ASAP2: variants seen among roughly 807,000 people sequenced by gnomAD.
The protein encoded by ASAP2 is ArfGAP with SH3 domain, ankyrin repeat and PH domain 2.
A neutral mutation model predicts 131.4 loss-of-function variants in ASAP2; 45 were observed. The ratio of observed to expected loss-of-function variants is 0.34; its 90% CI spans 0.27 to 0.44. The LOEUF (loss-of-function observed/expected upper bound fraction) is 0.44. Among genes scored for constraint, ASAP2 ranks in the 20% least tolerant of loss-of-function variants. The pLI is 1.00. For synonymous variants in ASAP2, 510 were observed against 503.0 expected, an observed-to-expected ratio of 1.01 and a Z score of -0.19; for missense variants, 1,011 against 1,297.0, an observed-to-expected ratio of 0.78 and a Z score of 3.39.
chr2:9,276,926 A>G (rs148438487), intron 1 of ASAP2, among the ~76,000 whole-genome samples: 211 of 152,296 alleles, frequency 1.4e-3, no homozygotes, highest in African/African-American at 4.9e-3. Context: ...GCTGACTTCT[A>G]ATGCTTCCAG....
At chr2:9,247,853 A>T (rs1449565427) in intron 1 of ASAP2, among the ~76,000 whole-genome samples, 3 of 152,206 alleles carry the variant, frequency 2.0e-5, no homozygotes, top group Non-Finnish European at 4.4e-5. Flanking sequence ...CAGCTGATCC[A>T]GGAAACTGCC....
At chr2:9,295,539 G>C (rs1465305394) in intron 2 of ASAP2, among the ~76,000 whole-genome samples, 1 of 152,172 alleles carries the variant, frequency 6.6e-6, no homozygotes, top group Non-Finnish European at 1.5e-5. Flanking sequence ...TTATGTAGCT[G>C]ACGCCGCAGG....
chr2:9,356,429 C>T (rs1672707851), intron 14 of ASAP2, 84 bp downstream of exon 14: 2 of 1,418,778 alleles, frequency 1.4e-6, no homozygotes, highest in African/African-American at 1.4e-5. Flanking sequence ...TTGATTTTCA[C>T]TTTCATTTCA....
intron 1 of ASAP2, among the ~76,000 whole-genome samples, chr2:9,211,155 CA>C (rs70948809): frequency 0.069 from 8,943 of 129,032 alleles, 276 homozygotes; most frequent in Middle Eastern, 0.12. Context: ...AACTGCGTCT[CA>C]AAAAAAAAAA....
chr2:9,306,195 G>A (rs1051281901), intron 3 of ASAP2, among the ~76,000 whole-genome samples: 1 of 150,930 alleles, frequency 6.6e-6, no homozygotes. Flanking sequence ...GAGTGGAAGC[G>A]CTGCAGGAGG....
intron 1 of ASAP2, among the ~76,000 whole-genome samples, chr2:9,256,051 T>TA (rs1049339963): frequency 6.6e-6 from 1 of 151,130 alleles, no homozygotes; most frequent in Non-Finnish European, 1.5e-5. Context: ...TGTGTAGACT[T>TA]AAAGTTGTAG....
chr2:9,226,584 A>G (rs1428770526), intron 1 of ASAP2, among the ~76,000 whole-genome samples: 1 of 152,182 alleles, frequency 6.6e-6, no homozygotes, highest in African/African-American at 2.4e-5. Context: ...AGGAAGCCTC[A>G]CTGAGGTTGT....
rs1277710505 is a variant in ASAP2 at position 9,265,117 on chromosome 2, C to A, written c.127-14200C>A. On this transcript the variant is annotated intron_variant, in intron 1 of 27. Coordinates refer to ENST00000281419, the MANE Select transcript of ASAP2 (RefSeq NM_003887.3). ...CACCACTGCACTTCAGCCTGGGGGACAAAGTGAGATCCTATCTCAAAAAAA... is the reference window on the plus strand; with the variant it reads ...CACCACTGCACTTCAGCCTGGGGGAAAAAGTGAGATCCTATCTCAAAAAAA... Among the ~76,000 whole-genome samples, 5 of 151,950 alleles carry A rather than the reference C, an allele frequency of 3.3e-5. No individual in the cohort carries two copies. The East Asian group carries it at 9.6e-4, about 29-fold the overall frequency.
chr2:9,257,338 C>T (rs1277032554), intron 1 of ASAP2, among the ~76,000 whole-genome samples: 1 of 152,198 alleles, frequency 6.6e-6, no homozygotes, highest in African/African-American at 2.4e-5. Flanking sequence ...GAAGGATATA[C>T]CTACTTAGTA....
chr2:9,314,281 G>A (rs13430809), intron 3 of ASAP2, among the ~76,000 whole-genome samples: 1 of 152,214 alleles, frequency 6.6e-6, no homozygotes, highest in African/African-American at 2.4e-5. Flanking sequence ...ACCACACTCA[G>A]CCTCCTTTGT....
rs117523410 is a variant in ASAP2, at chr2:9,251,155, C to T, written c.127-28162C>T. On this transcript the variant is annotated intron_variant, in intron 1 of 27. Coordinates refer to ENST00000281419, the MANE Select transcript of ASAP2 (RefSeq NM_003887.3). The stretch of plus-strand genomic sequence containing the variant: ...GCGTGGAGGGCTGGTAAACAGATCG[C>T]GAAGGAGATTTTGAAAGGAGGAACG... Among the ~76,000 whole-genome samples the T allele has an allele frequency of 2.3e-3, 347 of 152,232 alleles. 6 individuals carry two copies. In the East Asian group the frequency reaches 0.053, roughly 23 times the overall value.
chr2:9,322,496 C>T (rs1451877283), intron 5 of ASAP2, among the ~76,000 whole-genome samples: 1 of 149,722 alleles, frequency 6.7e-6, no homozygotes, highest in East Asian at 1.9e-4. Context: ...ACGGCTATTT[C>T]AAGCCCACCT....
intron 24 of ASAP2, among the ~76,000 whole-genome samples, chr2:9,395,249 G>C (rs963001218): frequency 5.3e-5 from 8 of 152,152 alleles, no homozygotes; most frequent in African/African-American, 1.9e-4. Context: ...AAGGTGGGCG[G>C]ATCACCTGAG....
At chr2:9,350,734 G>A (rs1572521163) in intron 11 of ASAP2, 74 bp from the exon 12 acceptor site, 2 of 1,302,600 alleles carry the variant, frequency 1.5e-6, no homozygotes, top group East Asian at 4.7e-5. Flanking sequence ...TATCTCGTGA[G>A]GATTGATACT....
intron 2 of ASAP2, among the ~76,000 whole-genome samples, chr2:9,292,983 A>G (rs1220422812): frequency 6.6e-6 from 1 of 152,236 alleles, no homozygotes; most frequent in East Asian, 1.9e-4. Flanking sequence ...CAAGAGCCGT[A>G]TCTACATGTG....
In ASAP2 at chr2:9,378,981, G is replaced by T; in HGVS notation, c.1870G>T (p.Ala624Ser). 6.4e-7 allele frequency: 1 copy of T among 1,559,216 alleles called. No individual in the cohort carries two copies. Among genetic ancestry groups the T allele is most frequent in the South Asian group, 1.2e-5 (1 of 83,426 alleles). The part of the protein sequence containing the change: ...LDKQTGKGST[A>S]LHYCCLTDNA... The stretch of plus-strand genomic sequence containing the variant: ...TAAACAGACAGGGAAAGGCAGCACA[G>T]CCCTGCACTACTGCTGCCTGACCGA... The change falls in exon 19 of 28, where the codon GCC (alanine) becomes TCC (serine). Residue 624 changes from alanine to serine, a missense_variant. This residue lies in a region of ASAP2 where 652 missense variants were observed against 698.9 expected (regional missense o/e 0.93). Coordinates refer to ENST00000281419, the MANE Select transcript of ASAP2 (RefSeq NM_003887.3).
At chr2:9,394,314 C>A (rs994469867) in intron 24 of ASAP2, among the ~76,000 whole-genome samples, 24 of 151,846 alleles carry the variant, frequency 1.6e-4, no homozygotes, top group African/African-American at 5.6e-4. Flanking sequence ...ACAGGTGCCT[C>A]CCACCACGCC....
At chr2:9,249,996 G>A (rs2148127875) in intron 1 of ASAP2, among the ~76,000 whole-genome samples, 1 of 152,304 alleles carries the variant, frequency 6.6e-6, no homozygotes, top group Admixed American at 6.5e-5. Context: ...TCAAATCTGG[G>A]TATACAACTC....
At chr2:9,394,903 G>C (rs192769473) in intron 24 of ASAP2, among the ~76,000 whole-genome samples, 3 of 152,190 alleles carry the variant, frequency 2.0e-5, no homozygotes, top group Non-Finnish European at 4.4e-5. Flanking sequence ...TGGGGGTTAC[G>C]GTCAGAGTCT....
Sources: gnomAD v4.1 joint callset for allele counts (sites outside exome capture counted in the v4.1 genomes callset) on GRCh38, gnomAD v4.1.1 for gene constraint, gnomAD v4.1.1 regional missense constraint, MANE v1.5 for transcripts, NCBI Gene and HGNC (gene_info 2026-07-23, HGNC 2026-07-21) for gene names.